BCAS3: variants seen among roughly 807,000 people sequenced by gnomAD.
BCAS3 encodes the protein BCAS4/BCAS3 fusion.
A neutral mutation model predicts 116.1 loss-of-function variants in BCAS3; 53 were observed. The observed-to-expected ratio is 0.46, with a 90% CI of 0.37 to 0.57. The LOEUF (loss-of-function observed/expected upper bound fraction) is 0.57, where lower values mean the gene tolerates loss of function less well. Ranked by LOEUF, BCAS3 falls within the 20% of genes least tolerant of loss-of-function variation. BCAS3 has a pLI of 0.00. For missense variants in BCAS3, 917 were observed against 1,165.4 expected (o/e 0.79, Z 3.10); for synonymous variants, 391 against 408.2 (o/e 0.96, Z 0.51).
chr17:61,003,877 A>C (rs1309521382), intron 15 of BCAS3: 2 of 152,196 alleles, frequency 1.3e-5, no homozygotes, highest in Non-Finnish European at 2.9e-5. Context: ...TATAGGTATC[A>C]GTGGTCTATC....
At chr17:61,172,877 A>C (rs1336820379) in intron 22 of BCAS3, among the ~76,000 whole-genome samples, 1 of 151,064 alleles carries the variant, frequency 6.6e-6, no homozygotes, top group Non-Finnish European at 1.5e-5. Context: ...AGTCCCAGCT[A>C]CTTGGGAAGC....
intron 4 of BCAS3, among the ~76,000 whole-genome samples, chr17:60,691,145 C>T (rs1451720871): frequency 6.6e-6 from 1 of 152,016 alleles, no homozygotes; most frequent in Non-Finnish European, 1.5e-5. Context: ...GTTGGTTAGG[C>T]TGGTCTCAAT....
At chr17:61,066,191 A>G (rs1458922529) in intron 19 of BCAS3, among the ~76,000 whole-genome samples, 1 of 152,252 alleles carries the variant, frequency 6.6e-6, no homozygotes, top group Non-Finnish European at 1.5e-5. Context: ...TGGTACCTGT[A>G]GTTGATCAGC....
chr17:61,165,725 A>G (rs1217708496), intron 22 of BCAS3, among the ~76,000 whole-genome samples: 4 of 152,130 alleles, frequency 2.6e-5, no homozygotes, highest in Middle Eastern at 3.2e-3. Context: ...TTTAAAAACT[A>G]TTTTTTAAAA....
At chr17:60,847,952 T>A (rs2052680984) in intron 7 of BCAS3, among the ~76,000 whole-genome samples, 1 of 152,222 alleles carries the variant, frequency 6.6e-6, no homozygotes, top group African/African-American at 2.4e-5. Context: ...ATTTGTTTGC[T>A]CCTAAGAGTT....
At chr17:60,686,665 G>A (rs2034101574) in intron 3 of BCAS3, among the ~76,000 whole-genome samples, 1 of 151,864 alleles carries the variant, frequency 6.6e-6, no homozygotes, top group Non-Finnish European at 1.5e-5. Context: ...AGCTGGGATT[G>A]CAGGCATGTG....
intron 22 of BCAS3, among the ~76,000 whole-genome samples, chr17:61,273,686 G>GT (rs2144640408): frequency 6.8e-6 from 1 of 147,934 alleles, no homozygotes; most frequent in East Asian, 2.0e-4. Flanking sequence ...CCGGTTTCAT[G>GT]TATCAGACCA....
chr17:61,227,803 G>T lies in BCAS3; in HGVS notation c.2426-140524G>T, dbSNP rs751931715. ...CTGTAATGATTTTCTGTTGCTCTCT[G>T]CTTGATTTTATGTAAAATTTGTACT... is the stretch of plus-strand genomic sequence containing the variant. On this transcript the variant is annotated intron_variant, in intron 22 of 23. Transcript: ENST00000407086. The surrounding 1 kb of genome is among the most constrained non-coding windows in gnomAD (Gnocchi z 6.1). 5.3e-5 allele frequency among the ~76,000 whole-genome samples: 8 copies of T among 152,112 alleles called. No individual in the cohort carries two copies. Among genetic ancestry groups the T allele is most frequent in the Non-Finnish European group, 1.2e-4 (8 of 68,028 alleles).
chr17:60,833,128 A>G (rs1303982206), intron 7 of BCAS3, among the ~76,000 whole-genome samples: 1 of 152,162 alleles, frequency 6.6e-6, no homozygotes, highest in African/African-American at 2.4e-5. Context: ...CAGACTGCCA[A>G]ACAGCTGGGA....
intron 11 of BCAS3, among the ~76,000 whole-genome samples, chr17:60,908,082 A>G (rs1345666313): frequency 6.6e-6 from 1 of 152,128 alleles, no homozygotes; most frequent in Non-Finnish European, 1.5e-5. Flanking sequence ...TGCTATACAA[A>G]TTGCATATTT....
chr17:61,338,040 T>C (rs1312913796), intron 22 of BCAS3, among the ~76,000 whole-genome samples: 3 of 152,202 alleles, frequency 2.0e-5, no homozygotes, highest in Non-Finnish European at 2.9e-5. Context: ...TCACGCTTAA[T>C]GTTGTATCTC....
chr17:60,891,060 T>C lies in BCAS3; in HGVS notation c.738+1289T>C, dbSNP rs539504042. Reference sequence around the variant, plus strand: ...TTTATATTCCATTTTGTTTTTTCTCTTGATTTTCCAGTATATCTTGTAAAA... The same window carrying C: ...TTTATATTCCATTTTGTTTTTTCTCCTGATTTTCCAGTATATCTTGTAAAA... On this transcript the variant is annotated intron_variant, in intron 10 of 23. Transcript: ENST00000407086. 7.9e-5 allele frequency among the ~76,000 whole-genome samples: 12 copies of C among 152,322 alleles called. No homozygotes were observed. In the South Asian group the frequency reaches 2.5e-3, roughly 32 times the overall value.
rs1200293711 is a variant in BCAS3 at position 61,156,254 on chromosome 17, T to C, written c.2425+71690T>C. On this transcript the variant is annotated intron_variant, in intron 22 of 23. Coordinates refer to ENST00000407086, the MANE Select transcript of BCAS3 (RefSeq NM_017679.5). The surrounding 1 kb of genome is among the most constrained non-coding windows in gnomAD (Gnocchi z 4.7). ...AAAGTTTGGGTCAATGTATTCATTT[T>C]GGTCTTCTTTTCAGGGATTGGAATT... is the stretch of plus-strand genomic sequence containing the variant. Among the ~76,000 whole-genome samples the C allele has an allele frequency of 6.6e-6, 1 of 152,180 alleles. No homozygotes were observed. The highest frequency in any genetic ancestry group is 1.5e-5 in the Non-Finnish European group (1 of 68,028).
At chr17:60,715,401 T>C (rs943315397) in intron 5 of BCAS3, among the ~76,000 whole-genome samples, 15 of 150,852 alleles carry the variant, frequency 9.9e-5, no homozygotes, top group African/African-American at 3.7e-4. Context: ...CCTCCCAACG[T>C]GTATACTCTT....
chr17:60,802,371 C>CATACATACATATATAT lies in BCAS3; in HGVS notation c.404-5630_404-5629insCATACATATATATATA, dbSNP rs1555724685. Among the ~76,000 whole-genome samples the CATACATACATATATAT allele has an allele frequency of 6.6e-3, 739 of 111,916 alleles. 7 individuals are homozygous for CATACATACATATATAT. The highest frequency in any genetic ancestry group is 0.026 in the African/African-American group (690 of 26,592). The allele number at this position is 111,916 out of a possible 152,430, so 73.4% of individuals were successfully genotyped here. A position where few individuals can be genotyped will look rare whatever the true frequency, so the allele number is the denominator to read the frequency against. ...ATACACACACATACATACATACATACATATATATATATATATATCCCCTTG... is the reference window on the plus strand; with the variant it reads ...ATACACACACATACATACATACATACATACATACATATATATATATATATATATATATATCCCCTTG... On this transcript the variant is annotated intron_variant, in intron 6 of 23. Transcript: ENST00000407086.
At position 61,008,134 on chromosome 17, in the gene BCAS3, A is replaced by T. The variant is rs908592564; in HGVS notation, c.1487-7617A>T. ...CTGTGAACAAGCATTGCTTCCGCCC[A>T]GTTTGGTATGTGGGTCAGAAGGCAC... On this transcript the variant is annotated intron_variant, in intron 15 of 23. Transcript: ENST00000407086. The surrounding 1 kb of genome is among the most constrained non-coding windows in gnomAD (Gnocchi z 4.6). Among the ~76,000 whole-genome samples, 1 of 152,006 alleles carries T rather than the reference A, an allele frequency of 6.6e-6. No individual in the cohort carries two copies. The highest frequency in any genetic ancestry group is 1.5e-5 in the Non-Finnish European group (1 of 67,994).
At chr17:61,031,815 T>C (rs1219657972) in intron 16 of BCAS3, among the ~76,000 whole-genome samples, 1 of 152,030 alleles carries the variant, frequency 6.6e-6, no homozygotes, top group Non-Finnish European at 1.5e-5. Context: ...AAAAAAGAAA[T>C]GATGAAATAT....
chr17:61,200,165 A>C lies in BCAS3; in HGVS notation c.2425+115601A>C, dbSNP rs2080737578. Among the ~76,000 whole-genome samples, 1 of 152,214 alleles carries C rather than the reference A, an allele frequency of 6.6e-6. No homozygotes were observed. The highest frequency in any genetic ancestry group is 1.5e-5 in the Non-Finnish European group (1 of 68,040). ...TTATCCTCTTTATAAAAAACAAAAC[A>C]AAACCAACTTAGAACTTACTGTTGA... On this transcript the variant is annotated intron_variant, in intron 22 of 23. Coordinates refer to ENST00000407086, the MANE Select transcript of BCAS3 (RefSeq NM_017679.5). The surrounding 1 kb of genome is among the most constrained non-coding windows in gnomAD (Gnocchi z 5.1).
Position 61,205,419 on chromosome 17 carries a change from C to T in BCAS3, c.2425+120855C>T, listed in dbSNP as rs767777723. On this transcript the variant is annotated intron_variant, in intron 22 of 23. Transcript: ENST00000407086. This position sits in a 1 kb window ranked among gnomAD's most constrained non-coding sequence, Gnocchi z 5.2. ...AATGAGGTATTTTCATTTCTGCATACTTCTAATTCTACAAGAAAGATAGCT... is the reference window on the plus strand; with the variant it reads ...AATGAGGTATTTTCATTTCTGCATATTTCTAATTCTACAAGAAAGATAGCT... Among the ~76,000 whole-genome samples, 5 of 152,196 alleles carry T rather than the reference C, an allele frequency of 3.3e-5. No homozygotes were observed. The highest frequency in any genetic ancestry group is 2.6e-4 in the Admixed American group (4 of 15,276).
Sources: gnomAD v4.1 joint callset for allele counts (sites outside exome capture counted in the v4.1 genomes callset) on GRCh38, gnomAD v4.1.1 for gene constraint, Gnocchi (gnomAD v3.1) non-coding constraint, MANE v1.5 for transcripts, NCBI Gene and HGNC (gene_info 2026-07-23, HGNC 2026-07-21) for gene names.